The following TMEM176A variants were observed in gnomAD, a reference collection of about 807,000 sequenced individuals.
TMEM176A encodes the protein hepatocellular carcinoma-associated antigen 112.
TMEM176A carries 20 observed loss-of-function variants against 27.9 expected under a neutral mutation model. The observed-to-expected ratio is 0.72, with a 90% CI of 0.50 to 1.04. The LOEUF is 1.04. Among genes scored for constraint, TMEM176A ranks in the 50% least tolerant of loss-of-function variants. TMEM176A has a pLI of 0.00. For synonymous variants in TMEM176A, 125 were observed against 118.0 expected (o/e 1.06, Z -0.38); for missense variants, 252 against 289.1 (o/e 0.87, Z 0.93).
In TMEM176A at chr7:150,803,732, G is replaced by C; in HGVS notation, c.455G>C (p.Arg152Pro). Residue 152 changes from arginine (R) to proline (P), a missense_variant, in exon 5 of 7, where the codon CGC (arginine) becomes CCC (proline). Coordinates refer to ENST00000004103, the MANE Select transcript of TMEM176A (RefSeq NM_018487.3). Reference protein sequence around the residue: ...YGYSYYNSACRISSSSDWNTP... With the variant: ...YGYSYYNSACPISSSSDWNTP... ...TACTCTTATTACAACAGTGCCTGCC[G>C]CATCTCCAGCTCGAGTGACTGGAAC... The C allele has an allele frequency of 1.2e-6, 2 of 1,614,154 alleles. No homozygotes were observed. Among genetic ancestry groups the C allele is most frequent in the Non-Finnish European group, 1.7e-6 (2 of 1,180,036 alleles).
At chr7:150,802,439 T>A in intron 3 of TMEM176A, 114 bp downstream of exon 3, 1 of 959,004 alleles carries the variant, frequency 1.0e-6, no homozygotes, top group Non-Finnish European at 1.6e-6. Context: ...GAGATCTGAT[T>A]ATCTAGGACC....
At chr7:150,803,376 G>A in intron 3 of TMEM176A, 24 bp from the exon 4 acceptor site, 1 of 1,550,994 alleles carries the variant, frequency 6.4e-7, no homozygotes, top group Non-Finnish European at 8.7e-7. Context: ...TACTAAGCCT[G>A]CTCCTGGCTC....
At chr7:150,801,390 G>C (rs1347772580) in intron 1 of TMEM176A, 146 bp from the exon 2 acceptor site, 6 of 740,944 alleles carry the variant, frequency 8.1e-6, no homozygotes, top group Non-Finnish European at 1.3e-5. Flanking sequence ...TTCCCCTCGT[G>C]AGGGGCCAGG....
chr7:150,801,361 A>AG (rs5888418), intron 1 of TMEM176A, 175 bp from the exon 2 acceptor site: 340,690 of 573,660 alleles, frequency 0.59, 103,187 homozygotes, highest in East Asian at 0.75. Context: ...CATGGTCAGC[A>AG]CCCCCTCTGC....
chr7:150,802,244 T>G lies in TMEM176A; in HGVS notation c.204T>G (p.Ser68Arg), dbSNP rs747872672. The change falls in exon 3 of 7, where the codon AGT (serine) becomes AGG (arginine). Residue 68 changes from serine to arginine, a missense_variant. Ser to Arg is a moderately radical substitution (Grantham distance 110). Transcript: ENST00000004103. ...TGCAGATCGTGCTGGGGATCTTGAG[T>G]GCAGTCCTAGGAGGATTTTTCTACA... is the stretch of plus-strand genomic sequence containing the variant. ...WVMQIVLGIL[S>R]AVLGGFFYIR... 3 of 1,613,868 alleles carry G rather than the reference T, an allele frequency of 1.9e-6. No homozygotes were observed. Among genetic ancestry groups the G allele is most frequent in the Non-Finnish European group, 8.5e-7 (1 of 1,179,960 alleles).
chr7:150,804,709 C>G, intron 6 of TMEM176A, 118 bp from the exon 7 acceptor site: 1 of 1,132,394 alleles, frequency 8.8e-7, no homozygotes, highest in Non-Finnish European at 1.3e-6. Flanking sequence ...CATGCTATGC[C>G]TTTGGATCAG....
chr7:150,805,061 G>A lies in TMEM176A; in HGVS notation c.*193G>A, dbSNP rs191990762. 19 of 618,438 alleles carry A rather than the reference G, an allele frequency of 3.1e-5. No homozygotes were observed. Among genetic ancestry groups the A allele is most frequent in the Admixed American group, 2.2e-4 (8 of 36,176 alleles). The allele number at this position is 618,438 out of a possible 1,614,324, so 38.3% of individuals were successfully genotyped here. A position where few individuals can be genotyped will look rare whatever the true frequency, so the allele number is the denominator to read the frequency against. On this transcript the variant is annotated 3_prime_UTR_variant, in exon 7 of 7. Transcript: ENST00000004103. Reference sequence around the variant, plus strand: ...TTACACCCCTTCCCCATCCTGCTCCGCTTCATGTCCCCTCCTGAGTAGTCA... The same window carrying A: ...TTACACCCCTTCCCCATCCTGCTCCACTTCATGTCCCCTCCTGAGTAGTCA...
Position 150,804,915 on chromosome 7 carries a change from T to C in TMEM176A, c.*47T>C. 1.3e-6 allele frequency: 2 copies of C among 1,593,432 alleles called. No homozygotes were observed. The highest frequency in any genetic ancestry group is 8.6e-7 in the Non-Finnish European group (1 of 1,161,112). ...GTGCCTGGTGCTTCTGCACCGGGCGTCCCTGCATCTGACTGCTGGAAGAAG... is the reference window on the plus strand; with the variant it reads ...GTGCCTGGTGCTTCTGCACCGGGCGCCCCTGCATCTGACTGCTGGAAGAAG... On this transcript the variant is annotated 3_prime_UTR_variant, in exon 7 of 7. Coordinates refer to ENST00000004103, the MANE Select transcript of TMEM176A (RefSeq NM_018487.3).
At chr7:150,802,879 G>C in intron 3 of TMEM176A, 4 of 988,030 alleles carry the variant, frequency 4.0e-6, no homozygotes, top group Non-Finnish European at 4.8e-6. Flanking sequence ...CCCAGCCTGT[G>C]GCAAAATACC....
chr7:150,804,684 A>G, intron 6 of TMEM176A, 143 bp from the exon 7 acceptor site: 1 of 975,948 alleles, frequency 1.0e-6, no homozygotes, highest in Non-Finnish European at 1.6e-6. Context: ...CCAGGAATCC[A>G]GGGAAGTCCA....
At position 150,801,578 on chromosome 7, in the gene TMEM176A, G is replaced by A; in HGVS notation, c.28G>A (p.Ala10Thr). Residue 10 changes from alanine to threonine, a missense_variant, in exon 2 of 7, where the codon GCC (alanine) becomes ACC (threonine). Transcript: ENST00000004103. Reference protein sequence around the residue: MGTADSDEMAPEAPQHTHID... With the variant: MGTADSDEMTPEAPQHTHID... ...GGGAACAGCCGACAGTGATGAGATG[G>A]CCCCGGAGGCCCCACAGCACACCCA... 1 of 1,609,358 alleles carries A rather than the reference G, an allele frequency of 6.2e-7. No individual in the cohort carries two copies. The highest frequency in any genetic ancestry group is 8.5e-7 in the Non-Finnish European group (1 of 1,178,582).
In TMEM176A at chr7:150,805,113, T is replaced by TGAGAAC; in HGVS notation, c.*245_*246insGAGAAC. 1 of 504,962 alleles carries TGAGAAC rather than the reference T, an allele frequency of 2.0e-6. No homozygotes were observed. The allele number at this position is 504,962 out of a possible 1,614,324, so 31.3% of individuals were successfully genotyped here. On this transcript the variant is annotated 3_prime_UTR_variant, in exon 7 of 7. Coordinates refer to ENST00000004103, the MANE Select transcript of TMEM176A (RefSeq NM_018487.3). The stretch of plus-strand genomic sequence containing the variant: ...GTGATAATAAACTCTCATGTTATTG[T>TGAGAAC]TCCCAGGTTCTCGCTTAGTTATTCC...
intron 6 of TMEM176A, 79 bp from the exon 7 acceptor site, chr7:150,804,746 CCA>C: frequency 3.5e-6 from 5 of 1,442,382 alleles, no homozygotes; most frequent in Non-Finnish European, 4.9e-6. Flanking sequence ...TCTGGTAGCT[CCA>C]GAGCTAAGCT....
rs1407200335 is a variant in TMEM176A, at chr7:150,803,763, A to G, written c.486A>G (p.Pro162=). 9 of 1,614,104 alleles carry G rather than the reference A, an allele frequency of 5.6e-6. No individual in the cohort carries two copies. Among genetic ancestry groups the G allele is most frequent in the Non-Finnish European group, 7.6e-6 (9 of 1,180,050 alleles). ...RISSSSDWNT[P]APTQSPEEVR... ...CCAGCTCGAGTGACTGGAACACTCC[A>G]GCCCCCACTCAGAGTCCAGAAGAAG... The change falls in exon 5 of 7, where the codon CCA becomes CCG. Residue 162 remains proline (P), a synonymous_variant. Coordinates refer to ENST00000004103, the MANE Select transcript of TMEM176A (RefSeq NM_018487.3).
At chr7:150,802,986 T>C (rs924025575) in intron 3 of TMEM176A, 2 of 991,088 alleles carry the variant, frequency 2.0e-6, no homozygotes, top group African/African-American at 1.7e-5. Flanking sequence ...GAGTGGATTA[T>C]TGGGCACTGT....
chr7:150,801,903 A>T (rs1798807270), intron 2 of TMEM176A, 179 bp downstream of exon 2: 1 of 693,566 alleles, frequency 1.4e-6, no homozygotes, highest in Admixed American at 3.0e-5. Context: ...TCTGGGCTGA[A>T]GGGGTGTGGA....
intron 2 of TMEM176A, 27 bp from the exon 3 acceptor site, chr7:150,802,188 C>T (rs186657315): frequency 4.4e-5 from 71 of 1,606,080 alleles, no homozygotes; most frequent in African/African-American, 4.4e-4. Context: ...ACCTAGGAGC[C>T]GGGATCTTGG....
intron 5 of TMEM176A, 63 bp from the exon 6 acceptor site, chr7:150,804,299 T>C (rs778176348): frequency 1.3e-5 from 17 of 1,355,462 alleles, no homozygotes; most frequent in East Asian, 2.3e-5. Context: ...ATAAGGAGCA[T>C]GGGGACAGAG....
At chr7:150,804,653 G>A in intron 6 of TMEM176A, 174 bp from the exon 7 acceptor site, 4 of 864,134 alleles carry the variant, frequency 4.6e-6, no homozygotes, top group Non-Finnish European at 7.3e-6. Flanking sequence ...CCCCAACCAA[G>A]TGGCCCCCAA....
Sources: gnomAD v4.1 joint callset for allele counts on GRCh38, gnomAD v4.1.1 for gene constraint, MANE v1.5 for transcripts, NCBI Gene and HGNC (gene_info 2026-07-23, HGNC 2026-07-21) for gene names.